Variants in SBF2 observed in about 807,000 individuals in gnomAD.
The protein encoded by SBF2 is SET binding factor 2, also known as myotubularin-related protein 13.
SBF2 carries 112 observed loss-of-function variants against 225.2 expected under a neutral mutation model. That is an observed-to-expected ratio of 0.50 (90% CI 0.43 to 0.58). The LOEUF (loss-of-function observed/expected upper bound fraction) is 0.58. Ranked by LOEUF, SBF2 falls within the 20% of genes least tolerant of loss-of-function variation. The pLI is 0.00. For missense variants in SBF2, 1,996 were observed against 2,206.2 expected (o/e 0.90, Z 1.91); for synonymous variants, 763 against 773.3 (o/e 0.99, Z 0.22).
intron 1 of SBF2, among the ~76,000 whole-genome samples, chr11:10,256,976 C>A (rs1383721913): frequency 1.3e-5 from 2 of 152,150 alleles, no homozygotes; most frequent in African/African-American, 4.8e-5. Context: ...CTGGTACATC[C>A]AAACACTTCC....
At chr11:9,901,825 T>G (rs1299007277) in intron 16 of SBF2, among the ~76,000 whole-genome samples, 1 of 152,038 alleles carries the variant, frequency 6.6e-6, no homozygotes, top group Non-Finnish European at 1.5e-5. Flanking sequence ...TTGTATTTTT[T>G]GTAGAGATGG....
chr11:10,207,277 A>G (rs1257308355), intron 1 of SBF2, among the ~76,000 whole-genome samples: 2 of 152,056 alleles, frequency 1.3e-5, no homozygotes, highest in East Asian at 1.9e-4. Flanking sequence ...AAATCCAGAC[A>G]TTCTTGGACC....
intron 1 of SBF2, among the ~76,000 whole-genome samples, chr11:10,290,030 G>A (rs747378662): frequency 6.6e-6 from 1 of 152,142 alleles, no homozygotes; most frequent in African/African-American, 2.4e-5. Context: ...GCACCTCTTC[G>A]CTGCCATCAA....
At chr11:9,973,753 T>C (rs1427273280) in intron 13 of SBF2, among the ~76,000 whole-genome samples, 1 of 151,772 alleles carries the variant, frequency 6.6e-6, no homozygotes, top group Admixed American at 6.6e-5. Context: ...GAAACTAATT[T>C]CAAATAAAAG....
At chr11:9,846,366 A>G (rs1281529101) in intron 23 of SBF2, among the ~76,000 whole-genome samples, 2 of 152,206 alleles carry the variant, frequency 1.3e-5, no homozygotes. Flanking sequence ...GAAGAATAAG[A>G]CAAGCAAAAT....
chr11:10,211,664 G>C (rs901818619), intron 1 of SBF2, among the ~76,000 whole-genome samples: 33 of 152,298 alleles, frequency 2.2e-4, no homozygotes, highest in Middle Eastern at 3.4e-3. Flanking sequence ...CGTACTGTGG[G>C]ATAGTGAGAT....
chr11:10,203,515 T>A (rs560813973), intron 1 of SBF2, among the ~76,000 whole-genome samples: 82 of 152,278 alleles, frequency 5.4e-4, no homozygotes, highest in African/African-American at 1.9e-3. Flanking sequence ...TTCAAGAATA[T>A]TTACAGGAAC....
At chr11:9,856,832 G>C (rs1857357526) in intron 18 of SBF2, 112 bp from the exon 19 acceptor site, 3 of 1,161,230 alleles carry the variant, frequency 2.6e-6, no homozygotes. Flanking sequence ...CTGTCACCCA[G>C]GCTGGAGTGC....
At chr11:9,919,982 T>A (rs1188389509) in intron 16 of SBF2, among the ~76,000 whole-genome samples, 1 of 152,110 alleles carries the variant, frequency 6.6e-6, no homozygotes, top group Non-Finnish European at 1.5e-5. Context: ...TCCGCCTGCC[T>A]GGGCCTCCTA....
At chr11:9,890,204 C>CTATTTATT (rs538430148) in intron 17 of SBF2, among the ~76,000 whole-genome samples, 1 of 151,878 alleles carries the variant, frequency 6.6e-6, no homozygotes, top group Non-Finnish European at 1.5e-5. Flanking sequence ...CACTCCTGGC[C>CTATTTATT]TATTTATTTA....
At chr11:10,189,217 C>T (rs1004633947) in intron 2 of SBF2, among the ~76,000 whole-genome samples, 4 of 152,278 alleles carry the variant, frequency 2.6e-5, no homozygotes, top group African/African-American at 9.6e-5. Context: ...TACTCACATG[C>T]AAGAACTTAA....
At chr11:10,116,421 T>C (rs1953140190) in intron 2 of SBF2, among the ~76,000 whole-genome samples, 1 of 152,190 alleles carries the variant, frequency 6.6e-6, no homozygotes, top group South Asian at 2.1e-4. Flanking sequence ...AACTGGTTGC[T>C]GAATTACAAT....
At chr11:10,077,366 C>G (rs1951161224) in intron 2 of SBF2, among the ~76,000 whole-genome samples, 1 of 152,134 alleles carries the variant, frequency 6.6e-6, no homozygotes, top group South Asian at 2.1e-4. Flanking sequence ...GCAAAAAGAA[C>G]AAAGCTGGAG....
intron 1 of SBF2, among the ~76,000 whole-genome samples, chr11:10,268,464 CA>C (rs1565419104): frequency 2.0e-5 from 3 of 152,070 alleles, no homozygotes; most frequent in Admixed American, 6.6e-5. Flanking sequence ...ATACAGTACA[CA>C]AAAAGCTACA....
Position 10,167,179 on chromosome 11 carries a change from A to G in SBF2, c.141+26723T>C, listed in dbSNP as rs1955995265. On this transcript the variant is annotated intron_variant, in intron 2 of 39. Coordinates refer to ENST00000256190, the MANE Select transcript of SBF2 (RefSeq NM_030962.4). ...TTTTGAAATTTTTGAATTATATACA[A>G]ATAGGTCACACATTAAATAATGGTT... Among the ~76,000 whole-genome samples the G allele has an allele frequency of 5.3e-5, 8 of 152,194 alleles. No homozygotes were observed. The South Asian group carries it at 1.4e-3, about 28-fold the overall frequency.
intron 17 of SBF2, among the ~76,000 whole-genome samples, chr11:9,876,918 T>C (rs1025851214): frequency 3.3e-5 from 5 of 152,154 alleles, no homozygotes; most frequent in Non-Finnish European, 7.4e-5. Context: ...TTTGTATTTT[T>C]AGTAAAGACA....
intron 1 of SBF2, among the ~76,000 whole-genome samples, chr11:10,252,762 AGCGAGCTG>A (rs1448039992): frequency 2.0e-5 from 3 of 151,104 alleles, no homozygotes; most frequent in Non-Finnish European, 4.4e-5. Flanking sequence ...GCGAGCTTGC[AGCGAGCTG>A]AGATCGCGCC....
chr11:9,867,080 C>T (rs1488809904), intron 17 of SBF2, among the ~76,000 whole-genome samples: 1 of 152,058 alleles, frequency 6.6e-6, no homozygotes, highest in East Asian at 1.9e-4. Context: ...AGGGTGACTA[C>T]AGTAATTAAT....
chr11:9,955,899 G>GT (rs1355195944), intron 16 of SBF2, among the ~76,000 whole-genome samples: 1 of 151,890 alleles, frequency 6.6e-6, no homozygotes, highest in Non-Finnish European at 1.5e-5. Context: ...ACGTATGTTT[G>GT]TATCATTAGA....
Sources: allele counts gnomAD v4.1 joint callset (sites outside exome capture counted in the v4.1 genomes callset), GRCh38; gene constraint gnomAD v4.1.1; transcripts MANE v1.5; gene names NCBI Gene and HGNC (gene_info 2026-07-23, HGNC 2026-07-21).